Variants in SNX4 observed in about 807,000 individuals in gnomAD.
SNX4 encodes sorting nexin-4.
In SNX4, 49 loss-of-function variants were observed where a neutral mutation model predicts 70.8. The ratio of observed to expected loss-of-function variants is 0.69; its 90% CI spans 0.55 to 0.88. SNX4 has a LOEUF of 0.88. Ranked by LOEUF, SNX4 falls within the 40% of genes least tolerant of loss-of-function variation. The pLI is 0.00. For synonymous variants in SNX4, 206 were observed against 183.8 expected (o/e 1.12, Z -0.98); for missense variants, 528 against 544.8 (o/e 0.97, Z 0.31).
In SNX4 at chr3:125,497,262, T is replaced by C. The variant is rs1934816107; in HGVS notation, c.597+79A>G. 11 of 785,806 alleles carry C rather than the reference T, an allele frequency of 1.4e-5. No homozygotes were observed. The South Asian group carries it at 1.9e-4, about 14-fold the overall frequency. The allele number at this position is 785,806 out of a possible 1,614,324, so 48.7% of individuals were successfully genotyped here. ...TTCCAACATTCATTTATTCAATAAA[T>C]ACCAAGTTCCCAATGAGTGCATGGC... On this transcript the variant is annotated intron_variant, in intron 5 of 13. Coordinates refer to ENST00000251775, the MANE Select transcript of SNX4 (RefSeq NM_003794.4).
intron 10 of SNX4, among the ~76,000 whole-genome samples, chr3:125,460,414 G>C (rs1933849223): frequency 6.6e-6 from 1 of 152,146 alleles, no homozygotes; most frequent in Admixed American, 6.5e-5. Context: ...ACAAGCTACT[G>C]ATAAGACACA....
chr3:125,474,344 G>T (rs1934246056), intron 8 of SNX4, among the ~76,000 whole-genome samples: 1 of 152,022 alleles, frequency 6.6e-6, no homozygotes, highest in Non-Finnish European at 1.5e-5. Flanking sequence ...GAGAGACAGG[G>T]TGTTGCTCTG....
chr3:125,510,483 C>T (rs1935147080), intron 1 of SNX4, among the ~76,000 whole-genome samples: 1 of 152,150 alleles, frequency 6.6e-6, no homozygotes, highest in African/African-American at 2.4e-5. Context: ...CCCGCCTCAG[C>T]CTCCCAAAGT....
At chr3:125,517,788 G>A (rs937913508) in intron 1 of SNX4, among the ~76,000 whole-genome samples, 3 of 151,654 alleles carry the variant, frequency 2.0e-5, no homozygotes, top group Non-Finnish European at 2.9e-5. Context: ...CCAGCCTGGC[G>A]AACATGATGA....
chr3:125,520,138 A>G lies in SNX4; in HGVS notation c.35T>C (p.Leu12Pro). The G allele has an allele frequency of 6.9e-7, 1 of 1,451,714 alleles. No homozygotes were observed. Among genetic ancestry groups the G allele is most frequent in the Non-Finnish European group, 9.0e-7 (1 of 1,107,658 alleles). The allele number at this position is 1,451,714 out of a possible 1,614,324, so 89.9% of individuals were successfully genotyped here. Residue 12 changes from leucine (L) to proline (P), a missense_variant, in exon 1 of 14, where the codon CTC becomes CCC. Transcript: ENST00000251775. ...EQAPPDPERQ[L>P]QPAPLEPLGS... ...CAGCGGCTCCAAGGGCGCCGGCTGG[A>G]GCTGCCGCTCGGGGTCCGGAGGTGC... is the stretch of plus-strand genomic sequence containing the variant.
chr3:125,450,688 AT>A (rs1933548747), intron 13 of SNX4, among the ~76,000 whole-genome samples: 1 of 152,228 alleles, frequency 6.6e-6, no homozygotes, highest in African/African-American at 2.4e-5. Context: ...TCAAACATTT[AT>A]TTTAACTAGA....
At chr3:125,455,685 G>A (rs1933693840) in intron 11 of SNX4, among the ~76,000 whole-genome samples, 1 of 152,126 alleles carries the variant, frequency 6.6e-6, no homozygotes, top group Non-Finnish European at 1.5e-5. Context: ...CACAGATGTA[G>A]CCAGTGGGTA....
At chr3:125,476,635 T>C (rs545899488) in intron 8 of SNX4, 60 bp downstream of exon 8, 42 of 977,960 alleles carry the variant, frequency 4.3e-5, no homozygotes, top group African/African-American at 1.6e-4. Context: ...TCAAGAATTA[T>C]TGTTTTCAGG....
At chr3:125,489,872 T>A (rs1934612009) in intron 5 of SNX4, among the ~76,000 whole-genome samples, 1 of 152,240 alleles carries the variant, frequency 6.6e-6, no homozygotes, top group African/African-American at 2.4e-5. Flanking sequence ...ATGCCTGTGA[T>A]CCCAGCACTT....
At chr3:125,500,079 C>T (rs74402383) in intron 2 of SNX4, among the ~76,000 whole-genome samples, 2 of 150,112 alleles carry the variant, frequency 1.3e-5, no homozygotes, top group African/African-American at 4.9e-5. Context: ...CAAACAAACA[C>T]CAAAAAAAAA....
intron 8 of SNX4, among the ~76,000 whole-genome samples, chr3:125,471,846 T>C (rs898284890): frequency 1.3e-5 from 2 of 152,228 alleles, no homozygotes; most frequent in African/African-American, 4.8e-5. Flanking sequence ...CTATGGGGAA[T>C]AGCCCTTTTT....
chr3:125,479,556 A>AAATAATAAT (rs377153136), intron 7 of SNX4, among the ~76,000 whole-genome samples: 44 of 150,538 alleles, frequency 2.9e-4, no homozygotes, highest in African/African-American at 9.8e-4. Context: ...CTCCATCTCA[A>AAATAATAAT]AATAATAATA....
chr3:125,462,484 G>A (rs1437225912), intron 9 of SNX4, among the ~76,000 whole-genome samples: 1 of 151,408 alleles, frequency 6.6e-6, no homozygotes, highest in Non-Finnish European at 1.5e-5. Context: ...CAGGTGCTCA[G>A]GAGGCTAATT....
At chr3:125,496,300 A>G (rs1295204128) in intron 5 of SNX4, among the ~76,000 whole-genome samples, 1 of 152,186 alleles carries the variant, frequency 6.6e-6, no homozygotes, top group African/African-American at 2.4e-5. Context: ...TCTCAAAATC[A>G]TAAAAACTCC....
intron 2 of SNX4, among the ~76,000 whole-genome samples, chr3:125,499,438 T>C (rs1359997960): frequency 6.6e-6 from 1 of 152,194 alleles, no homozygotes; most frequent in African/African-American, 2.4e-5. Context: ...TTTATCATTT[T>C]TTAAGTTTGC....
At chr3:125,463,134 A>G (rs554444624) in intron 9 of SNX4, among the ~76,000 whole-genome samples, 64 of 152,336 alleles carry the variant, frequency 4.2e-4, no homozygotes, top group African/African-American at 1.5e-3. Flanking sequence ...GTAAGACAAA[A>G]TAAACAAAAC....
At chr3:125,515,748 GT>G (rs1257480337) in intron 1 of SNX4, among the ~76,000 whole-genome samples, 2 of 151,898 alleles carry the variant, frequency 1.3e-5, no homozygotes, top group East Asian at 3.9e-4. Flanking sequence ...GTAGAAAATG[GT>G]TTTTAAAAGT....
At chr3:125,502,905 C>A (rs1934962833) in intron 2 of SNX4, among the ~76,000 whole-genome samples, 1 of 135,956 alleles carries the variant, frequency 7.4e-6, no homozygotes. Context: ...TAACACTTAA[C>A]TTGGTTTGGT....
At chr3:125,501,498 T>C (rs761104285) in intron 2 of SNX4, among the ~76,000 whole-genome samples, 6 of 151,992 alleles carry the variant, frequency 3.9e-5, no homozygotes, top group Non-Finnish European at 8.8e-5. Context: ...TGCAAGTCTG[T>C]AATCCCAGCT....
Sources: allele counts gnomAD v4.1 joint callset (sites outside exome capture counted in the v4.1 genomes callset), GRCh38; gene constraint gnomAD v4.1.1; transcripts MANE v1.5; gene names NCBI Gene and HGNC (gene_info 2026-07-23, HGNC 2026-07-21).